Variants in B3GALT1 observed in about 807,000 individuals in gnomAD.
B3GALT1 encodes the protein beta-1,3-galactosyltransferase 1, also known as UDP-Gal:betaGlcNAc beta 1,3-galactosyltransferase, polypeptide 1.
Under a neutral mutation model 23.2 loss-of-function variants are expected in B3GALT1, and 10 were observed. The observed-to-expected ratio is 0.43, with a 90% confidence interval of 0.27 to 0.73. The LOEUF (loss-of-function observed/expected upper bound fraction) is 0.73. Among genes scored for constraint, B3GALT1 ranks in the 30% least tolerant of loss-of-function variants. The probability of loss-of-function intolerance (pLI) is 0.21; values close to 1 mark genes in which losing one functional copy is unlikely to be tolerated. For missense variants in B3GALT1, 299 were observed against 405.4 expected (o/e 0.74, Z 2.25); for synonymous variants, 156 against 141.5 (o/e 1.10, Z -0.73).
intron 3 of B3GALT1, among the ~76,000 whole-genome samples, chr2:167,757,319 A>G (rs1687833962): frequency 6.6e-6 from 1 of 152,060 alleles, no homozygotes; most frequent in Non-Finnish European, 1.5e-5. Flanking sequence ...TGCCACCCCC[A>G]TGATGGTGGG....
chr2:167,651,386 C>T (rs1203496589), intron 3 of B3GALT1, among the ~76,000 whole-genome samples: 2 of 151,982 alleles, frequency 1.3e-5, no homozygotes, highest in Non-Finnish European at 2.9e-5. Flanking sequence ...ACCCATACCC[C>T]AAAACTGTCT....
Position 167,489,796 on chromosome 2 carries a change from C to G in B3GALT1, c.-510-381C>G, listed in dbSNP as rs1373639401. Among the ~76,000 whole-genome samples the G allele has an allele frequency of 2.6e-5, 4 of 152,126 alleles. No individual in the cohort carries two copies. In the East Asian group the frequency reaches 7.7e-4, roughly 29 times the overall value. ...AAGCCACAGACAAGACTGTTTAGAA[C>G]TAACAATATTCTACTTCTCTTGTGG... On this transcript the variant is annotated intron_variant, in intron 1 of 4. Transcript: ENST00000392690.
In B3GALT1 at chr2:167,352,735, A is replaced by C. The variant is rs1417432823; in HGVS notation, c.-511+59401A>C. Among the ~76,000 whole-genome samples the C allele has an allele frequency of 6.5e-4, 4 of 6,126 alleles. No individual in the cohort carries two copies. The Admixed American group carries it at 0.014, about 22-fold the overall frequency. The allele number at this position is 6,126 out of a possible 152,430, so 4.0% of individuals were successfully genotyped here. On this transcript the variant is annotated intron_variant, in intron 1 of 4. Transcript: ENST00000392690. Reference sequence around the variant, plus strand: ...GACTCCATCTCAAAAAGAAAAAAAAACAAACAAACTGTACCAAGAACTGGA... The same window carrying C: ...GACTCCATCTCAAAAAGAAAAAAAACCAAACAAACTGTACCAAGAACTGGA...
chr2:167,441,160 T>C (rs753573284), intron 1 of B3GALT1, among the ~76,000 whole-genome samples: 5 of 152,150 alleles, frequency 3.3e-5, no homozygotes, highest in Non-Finnish European at 7.4e-5. Flanking sequence ...ATTGCGTGCA[T>C]GACTAGTTCA....
chr2:167,351,784 C>A (rs1697312241), intron 1 of B3GALT1, among the ~76,000 whole-genome samples: 1 of 152,122 alleles, frequency 6.6e-6, no homozygotes, highest in Non-Finnish European at 1.5e-5. Context: ...TTATTTGAAA[C>A]TGTTCTCATC....
intron 3 of B3GALT1, among the ~76,000 whole-genome samples, chr2:167,680,134 A>G (rs1427642231): frequency 6.6e-6 from 1 of 152,226 alleles, no homozygotes; most frequent in Non-Finnish European, 1.5e-5. Flanking sequence ...CATTCCAAAC[A>G]CACACTTCTG....
At chr2:167,815,705 C>T (rs557031710) in intron 3 of B3GALT1, among the ~76,000 whole-genome samples, 60 of 152,130 alleles carry the variant, frequency 3.9e-4, no homozygotes, top group African/African-American at 1.4e-3. Context: ...CTTTTTGCCA[C>T]ATGAAGCGAA....
intron 1 of B3GALT1, among the ~76,000 whole-genome samples, chr2:167,320,552 G>A (rs1335769370): frequency 6.6e-6 from 1 of 151,948 alleles, no homozygotes. Context: ...TCATTGTAGA[G>A]CTGGACATTG....
intron 3 of B3GALT1, among the ~76,000 whole-genome samples, chr2:167,659,803 C>T (rs1274282531): frequency 6.6e-6 from 1 of 151,956 alleles, no homozygotes; most frequent in Non-Finnish European, 1.5e-5. Context: ...AGTCTTAGGG[C>T]ATTTCAAAGA....
intron 3 of B3GALT1, among the ~76,000 whole-genome samples, chr2:167,650,230 A>G (rs770511498): frequency 6.7e-6 from 1 of 149,352 alleles, no homozygotes; most frequent in African/African-American, 2.5e-5. Context: ...TTGGTTTTGT[A>G]TTGTTGAACC....
chr2:167,839,056 C>T (rs1382770627), intron 4 of B3GALT1, among the ~76,000 whole-genome samples: 5 of 152,062 alleles, frequency 3.3e-5, no homozygotes, highest in Admixed American at 1.3e-4. Context: ...CTATGACAAA[C>T]CCACAGCCAA....
At chr2:167,751,744 C>T (rs902721059) in intron 3 of B3GALT1, among the ~76,000 whole-genome samples, 7 of 152,148 alleles carry the variant, frequency 4.6e-5, no homozygotes, top group Non-Finnish European at 4.4e-5. Context: ...TTTAGTCATC[C>T]AAGTTTTTCT....
chr2:167,854,466 T>G (rs897771134), intron 4 of B3GALT1, among the ~76,000 whole-genome samples: 2 of 152,194 alleles, frequency 1.3e-5, no homozygotes, highest in African/African-American at 4.8e-5. Flanking sequence ...TTCTATTGCC[T>G]TTACTCACAA....
intron 1 of B3GALT1, among the ~76,000 whole-genome samples, chr2:167,461,678 G>A (rs199721449): frequency 6.6e-6 from 1 of 152,100 alleles, no homozygotes; most frequent in Non-Finnish European, 1.5e-5. Flanking sequence ...GTTGTAAAAT[G>A]TAATTTCCTT....
At chr2:167,567,853 T>A (rs1435356193) in intron 2 of B3GALT1, among the ~76,000 whole-genome samples, 4 of 152,098 alleles carry the variant, frequency 2.6e-5, no homozygotes, top group African/African-American at 7.2e-5. Flanking sequence ...TGCAGAATAG[T>A]TTCACTGCCC....
chr2:167,391,331 G>A (rs1027960535), intron 1 of B3GALT1, among the ~76,000 whole-genome samples: 6 of 152,216 alleles, frequency 3.9e-5, no homozygotes, highest in Non-Finnish European at 7.4e-5. Context: ...CCTGAGGCTT[G>A]TTTTTGTTCT....
intron 3 of B3GALT1, among the ~76,000 whole-genome samples, chr2:167,795,332 AT>A (rs1311880423): frequency 6.6e-6 from 1 of 152,192 alleles, no homozygotes; most frequent in Non-Finnish European, 1.5e-5. Flanking sequence ...CTGTGACCAC[AT>A]AACACCAATG....
At chr2:167,853,895 C>T (rs1689952049) in intron 4 of B3GALT1, among the ~76,000 whole-genome samples, 1 of 152,106 alleles carries the variant, frequency 6.6e-6, no homozygotes, top group Admixed American at 6.6e-5. Context: ...AATCAGTTGT[C>T]ATCCAGGACA....
intron 1 of B3GALT1, among the ~76,000 whole-genome samples, chr2:167,301,875 A>G (rs1559059865): frequency 6.6e-6 from 1 of 152,150 alleles, no homozygotes; most frequent in Non-Finnish European, 1.5e-5. Flanking sequence ...GCCCAGTCCA[A>G]GATCAAGGGA....
Sources: allele counts gnomAD v4.1 joint callset (sites outside exome capture counted in the v4.1 genomes callset), GRCh38; gene constraint gnomAD v4.1.1; transcripts MANE v1.5; gene names NCBI Gene and HGNC (gene_info 2026-07-23, HGNC 2026-07-21).